The following STK32B variants were observed in gnomAD, a reference collection of about 807,000 sequenced individuals.
STK32B encodes the protein serine/threonine-protein kinase 32B.
Under a neutral mutation model 52.6 loss-of-function variants are expected in STK32B, and 43 were observed. The observed-to-expected ratio is 0.82, with a 90% CI of 0.64 to 1.05. The LOEUF is 1.05. Among genes scored for constraint, STK32B ranks in the 50% least tolerant of loss-of-function variants. The pLI, the probability that STK32B is intolerant of heterozygous loss-of-function variation, is 0.00. For missense variants in STK32B, 621 were observed against 534.6 expected, an observed-to-expected ratio of 1.16 and a Z score of -1.59; for synonymous variants, 238 against 204.3, an observed-to-expected ratio of 1.17 and a Z score of -1.41.
intron 11 of STK32B, among the ~76,000 whole-genome samples, chr4:5,494,895 A>T (rs1212786711): frequency 5.9e-5 from 9 of 152,116 alleles, no homozygotes; most frequent in South Asian, 2.1e-4. Context: ...AGAATGTTGG[A>T]TATTGGCCCC....
rs1735734016 is a variant in STK32B at position 5,378,654 on chromosome 4, A to G, written c.435-19553A>G. Among the ~76,000 whole-genome samples the G allele has an allele frequency of 1.3e-5, 2 of 152,194 alleles. No homozygotes were observed. Among genetic ancestry groups the G allele is most frequent in the Non-Finnish European group, 2.9e-5 (2 of 68,020 alleles). On this transcript the variant is annotated intron_variant, in intron 4 of 11. Transcript: ENST00000282908. This position sits in a 1 kb window ranked among gnomAD's most constrained non-coding sequence, Gnocchi z 4.4. ...GTAGGTGTGTATATGTATGGGGTAC[A>G]TGAGATGTTTTGATACAGACATGCA...
At chr4:5,033,053 A>T in the STK32B span, among the ~76,000 whole-genome samples, 1 of 152,140 alleles carries the variant, frequency 6.6e-6, no homozygotes, top group South Asian at 2.1e-4. Flanking sequence ...TGCTGGTGTA[A>T]GGTAAGTACT....
Position 5,299,435 on chromosome 4 carries a change from G to A in STK32B, c.261-31785G>A, listed in dbSNP as rs911947057. 1.2e-4 allele frequency among the ~76,000 whole-genome samples: 19 copies of A among 152,040 alleles called. 1 individual carries two copies. Among genetic ancestry groups the A allele is most frequent in the Middle Eastern group, 6.8e-3 (2 of 294 alleles). Reference sequence around the variant, plus strand: ...CTTACATTTTTTTAATCCATCTTTAGTTAATTTTGTGTATTGTGAGACATG... The same window carrying A: ...CTTACATTTTTTTAATCCATCTTTAATTAATTTTGTGTATTGTGAGACATG... On this transcript the variant is annotated intron_variant, in intron 3 of 11. Coordinates refer to ENST00000282908, the MANE Select transcript of STK32B (RefSeq NM_018401.3).
At chr4:5,193,168 C>G (rs545121084) in intron 3 of STK32B, among the ~76,000 whole-genome samples, 1 of 152,098 alleles carries the variant, frequency 6.6e-6, no homozygotes, top group Non-Finnish European at 1.5e-5. Context: ...ACTGTCCTCT[C>G]GTGCCTCCTG....
chr4:5,307,289 G>C (rs937748312), intron 3 of STK32B, among the ~76,000 whole-genome samples: 2 of 152,014 alleles, frequency 1.3e-5, no homozygotes, highest in African/African-American at 2.4e-5. Context: ...CTTAGATTTG[G>C]TCATTTAACA....
At chr4:5,312,741 A>G (rs1730390739) in intron 3 of STK32B, among the ~76,000 whole-genome samples, 1 of 151,976 alleles carries the variant, frequency 6.6e-6, no homozygotes, top group African/African-American at 2.4e-5. Context: ...GTGCCACAAT[A>G]AACATACGTG....
At chr4:5,390,647 T>C (rs1736538880) in intron 4 of STK32B, among the ~76,000 whole-genome samples, 1 of 152,120 alleles carries the variant, frequency 6.6e-6, no homozygotes, top group Admixed American at 6.6e-5. Flanking sequence ...AATGTCAAGC[T>C]GTACAGTATC....
chr4:5,107,561 A>C (rs1714173897), intron 1 of STK32B, among the ~76,000 whole-genome samples: 1 of 152,206 alleles, frequency 6.6e-6, no homozygotes, highest in African/African-American at 2.4e-5. Context: ...GTAATTTTAC[A>C]AGCCATCAAT....
upstream of STK32B, among the ~76,000 whole-genome samples, chr4:5,048,122 T>G (rs755728220): frequency 5.8e-5 from 8 of 138,514 alleles, no homozygotes; most frequent in Non-Finnish European, 1.1e-4. Flanking sequence ...TAATTTTCTG[T>G]TTTTTTTTTT....
intron 6 of STK32B, among the ~76,000 whole-genome samples, chr4:5,442,350 ATTATGTAATGGTCTTC>A (rs1320912266): frequency 6.6e-6 from 1 of 152,048 alleles, no homozygotes; most frequent in African/African-American, 2.4e-5. Flanking sequence ...TCCCTTTACC[ATTATGTAATGGTCTTC>A]TTTGTCTCTT....
intron 3 of STK32B, among the ~76,000 whole-genome samples, chr4:5,289,451 C>CT (rs545546225): frequency 2.6e-5 from 4 of 151,062 alleles, no homozygotes; most frequent in South Asian, 4.2e-4. Flanking sequence ...TTATTTTATT[C>CT]TTTTTTTTTG....
intron 1 of STK32B, among the ~76,000 whole-genome samples, chr4:5,128,586 G>C (rs988026996): frequency 2.0e-5 from 3 of 152,186 alleles, no homozygotes; most frequent in Non-Finnish European, 4.4e-5. Flanking sequence ...TAATCAACTA[G>C]AAAGCAAAGC....
At chr4:5,131,416 C>A (rs762023744) in intron 1 of STK32B, among the ~76,000 whole-genome samples, 7 of 152,296 alleles carry the variant, frequency 4.6e-5, no homozygotes, top group Non-Finnish European at 1.0e-4. Flanking sequence ...TGAATATTTC[C>A]AAACAGCTTA....
At chr4:5,217,243 A>C (rs1183993145) in intron 3 of STK32B, among the ~76,000 whole-genome samples, 2 of 152,202 alleles carry the variant, frequency 1.3e-5, no homozygotes, top group East Asian at 3.8e-4. Context: ...GCTTAGAGGC[A>C]GGATTATGAT....
chr4:5,392,442 T>C (rs1021464206), intron 4 of STK32B, among the ~76,000 whole-genome samples: 2 of 152,158 alleles, frequency 1.3e-5, no homozygotes, highest in Admixed American at 1.3e-4. Flanking sequence ...TAATAATTAA[T>C]TAATTTAAAA....
At chr4:5,331,461 C>A in intron 4 of STK32B, 68 bp downstream of exon 4, 1 of 1,513,586 alleles carries the variant, frequency 6.6e-7, no homozygotes, top group South Asian at 1.3e-5. Context: ...GAGCAGTCTG[C>A]AGTAGTGGGG....
At chr4:5,270,073 A>G (rs1727323426) in intron 3 of STK32B, among the ~76,000 whole-genome samples, 1 of 152,222 alleles carries the variant, frequency 6.6e-6, no homozygotes, top group Non-Finnish European at 1.5e-5. Context: ...CCTGGTAAAA[A>G]ACTCAAGAAA....
rs1359821325 is a variant in STK32B, at chr4:5,470,286, G to GCA, written c.1106+2216_1106+2217insCA. On this transcript the variant is annotated intron_variant, in intron 11 of 11. Transcript: ENST00000282908. The surrounding 1 kb of genome is among the most constrained non-coding windows in gnomAD (Gnocchi z 4.6). The stretch of plus-strand genomic sequence containing the variant: ...GCAGTTGGCCTGTGGACACCCCTGA[G>GCA]ATTTGCAGTCAGCCTATGGACACCA... Among the ~76,000 whole-genome samples the GCA allele has an allele frequency of 6.6e-6, 1 of 152,182 alleles. No individual in the cohort carries two copies. Among genetic ancestry groups the GCA allele is most frequent in the Non-Finnish European group, 1.5e-5 (1 of 68,036 alleles).
At chr4:5,198,361 A>G (rs1412949840) in intron 3 of STK32B, among the ~76,000 whole-genome samples, 1 of 152,198 alleles carries the variant, frequency 6.6e-6, no homozygotes, top group African/African-American at 2.4e-5. Flanking sequence ...CTAATTTGTA[A>G]TCTGATGGGG....
Sources: allele counts gnomAD v4.1 joint callset (sites outside exome capture counted in the v4.1 genomes callset), GRCh38; gene constraint gnomAD v4.1.1; non-coding constraint Gnocchi (gnomAD v3.1); transcripts MANE v1.5; gene names NCBI Gene and HGNC (gene_info 2026-07-23, HGNC 2026-07-21).